The following MAML3 variants were observed in gnomAD, a reference collection of about 807,000 sequenced individuals.
The protein encoded by MAML3 is mastermind like transcriptional coactivator 3, also known as mastermind-like protein 3.
In MAML3, 27 loss-of-function variants were observed where a neutral mutation model predicts 101.9. That is an observed-to-expected ratio of 0.27 (90% CI 0.20 to 0.37). The LOEUF (loss-of-function observed/expected upper bound fraction) is 0.37. MAML3 is among the 10% of genes least tolerant of loss of function. The pLI, the probability that MAML3 is intolerant of heterozygous loss-of-function variation, is 1.00. For synonymous variants in MAML3, 501 were observed against 555.9 expected (o/e 0.90, Z 1.39); for missense variants, 1,316 against 1,444.9 (o/e 0.91, Z 1.45).
At chr4:139,804,142 T>C (rs1432187130) in intron 2 of MAML3, among the ~76,000 whole-genome samples, 1 of 152,140 alleles carries the variant, frequency 6.6e-6, no homozygotes, top group Non-Finnish European at 1.5e-5. Context: ...AAGGTTGGAG[T>C]AGCTCAGTCA....
intron 2 of MAML3, among the ~76,000 whole-genome samples, chr4:139,828,730 T>A (rs1362961532): frequency 4.7e-5 from 3 of 64,008 alleles, no homozygotes; most frequent in African/African-American, 1.7e-4. Context: ...TTTTTTTTTT[T>A]TTAAAAACAT....
intron 1 of MAML3, among the ~76,000 whole-genome samples, chr4:140,097,750 CA>C (rs1218251347): frequency 6.6e-6 from 1 of 152,174 alleles, no homozygotes; most frequent in African/African-American, 2.4e-5. Context: ...GGAAATTTCA[CA>C]ACCTCATCTC....
intron 2 of MAML3, among the ~76,000 whole-genome samples, chr4:139,808,967 A>G (rs2111110109): frequency 6.6e-6 from 1 of 152,164 alleles, no homozygotes; most frequent in Middle Eastern, 3.4e-3. Flanking sequence ...TTTATGAGAG[A>G]GAGAAAGAAA....
At chr4:140,084,150 GATTA>G (rs1727913632) in intron 1 of MAML3, among the ~76,000 whole-genome samples, 1 of 152,102 alleles carries the variant, frequency 6.6e-6, no homozygotes, top group Non-Finnish European at 1.5e-5. Flanking sequence ...ATGAATGAAT[GATTA>G]CTATTATCTG....
At chr4:140,021,705 T>C (rs6851797) in intron 1 of MAML3, among the ~76,000 whole-genome samples, 87,109 of 151,750 alleles carry the variant, frequency 0.57, 26,043 homozygotes, top group African/African-American at 0.7. Context: ...CTTCTTTCTC[T>C]TCTTTATCCA....
chr4:139,768,580 T>C (rs1729911776), intron 2 of MAML3, among the ~76,000 whole-genome samples: 1 of 152,218 alleles, frequency 6.6e-6, no homozygotes, highest in South Asian at 2.1e-4. Context: ...TATGAATCAA[T>C]AGCAATGTAA....
intron 1 of MAML3, among the ~76,000 whole-genome samples, chr4:139,990,374 T>C (rs1444951928): frequency 1.3e-5 from 2 of 151,850 alleles, no homozygotes; most frequent in Non-Finnish European, 2.9e-5. Context: ...AAACTCTCAA[T>C]AAATTAGGTA....
intron 2 of MAML3, among the ~76,000 whole-genome samples, chr4:139,829,034 G>T (rs890212919): frequency 9.1e-6 from 1 of 109,586 alleles, no homozygotes; most frequent in Non-Finnish European, 2.0e-5. Flanking sequence ...CGGACGGACG[G>T]ACTAAGGGAG....
chr4:140,039,079 T>C (rs1727035695), intron 1 of MAML3, among the ~76,000 whole-genome samples: 1 of 151,882 alleles, frequency 6.6e-6, no homozygotes, highest in South Asian at 2.1e-4. Flanking sequence ...AGATCGATCG[T>C]GCCACTGCAC....
intron 2 of MAML3, among the ~76,000 whole-genome samples, chr4:139,825,192 A>G (rs1003156862): frequency 1.9e-4 from 29 of 152,078 alleles, no homozygotes; most frequent in Non-Finnish European, 4.4e-5. Flanking sequence ...GAATAATGGG[A>G]AAAAAATTAG....
chr4:139,841,074 T>C (rs899295768), intron 2 of MAML3, among the ~76,000 whole-genome samples: 5 of 152,220 alleles, frequency 3.3e-5, no homozygotes, highest in Non-Finnish European at 5.9e-5. Flanking sequence ...CCAAAAGATA[T>C]GTGGCTTCCA....
intron 1 of MAML3, among the ~76,000 whole-genome samples, chr4:139,897,474 A>G (rs1732636270): frequency 6.6e-6 from 1 of 152,144 alleles, no homozygotes; most frequent in South Asian, 2.1e-4. Flanking sequence ...ATGCTTTCTC[A>G]GATTGTGCTT....
chr4:139,888,324 C>G (rs1043050019), intron 2 of MAML3, among the ~76,000 whole-genome samples: 6 of 152,192 alleles, frequency 3.9e-5, no homozygotes, highest in Non-Finnish European at 8.8e-5. Flanking sequence ...GACATGAGGG[C>G]CTCTAAAGCA....
At chr4:139,926,874 T>A (rs969035899) in intron 1 of MAML3, among the ~76,000 whole-genome samples, 1 of 152,196 alleles carries the variant, frequency 6.6e-6, no homozygotes, top group East Asian at 1.9e-4. Flanking sequence ...ATTTTCTGTT[T>A]CAGAATCCTA....
At chr4:140,051,593 G>A (rs543863524) in intron 1 of MAML3, among the ~76,000 whole-genome samples, 58 of 152,012 alleles carry the variant, frequency 3.8e-4, no homozygotes, top group Non-Finnish European at 7.2e-4. Flanking sequence ...GGTTCAGGAG[G>A]TACAGCTTGT....
intron 2 of MAML3, among the ~76,000 whole-genome samples, chr4:139,829,591 A>G (rs570709878): frequency 1.3e-5 from 2 of 152,374 alleles, no homozygotes; most frequent in African/African-American, 4.8e-5. Flanking sequence ...AGTGACTTGT[A>G]TACTGGCAGA....
At chr4:139,930,665 T>C (rs1733371492) in intron 1 of MAML3, among the ~76,000 whole-genome samples, 1 of 152,166 alleles carries the variant, frequency 6.6e-6, no homozygotes, top group African/African-American at 2.4e-5. Flanking sequence ...ATACCTCCCA[T>C]GACACACTCT....
At chr4:139,843,273 C>T (rs946363600) in intron 2 of MAML3, among the ~76,000 whole-genome samples, 11 of 152,174 alleles carry the variant, frequency 7.2e-5, no homozygotes, top group Admixed American at 1.3e-4. Context: ...TGGAGCTCAG[C>T]ATGCGAAGAA....
intron 1 of MAML3, among the ~76,000 whole-genome samples, chr4:139,959,119 ATTAGT>A (rs1409681928): frequency 2.0e-5 from 3 of 152,204 alleles, no homozygotes; most frequent in Admixed American, 6.5e-5. Context: ...CACCAACCAC[ATTAGT>A]TTAACTGATA....
Sources: allele counts gnomAD v4.1 joint callset (sites outside exome capture counted in the v4.1 genomes callset), GRCh38; gene constraint gnomAD v4.1.1; transcripts MANE v1.5; gene names NCBI Gene and HGNC (gene_info 2026-07-23, HGNC 2026-07-21).